The following ACTN1 variants were observed in gnomAD, a reference collection of about 807,000 sequenced individuals.
ACTN1 encodes the protein actinin alpha 1, also known as alpha-actinin-1.
ACTN1 carries 30 observed loss-of-function variants against 119.6 expected under a neutral mutation model. The ratio of observed to expected loss-of-function variants is 0.25; its 90% CI spans 0.19 to 0.34. ACTN1 has a LOEUF of 0.34. Ranked by LOEUF, ACTN1 falls within the 10% of genes least tolerant of loss-of-function variation. ACTN1 has a pLI of 1.00. For synonymous variants in ACTN1, 429 were observed against 472.6 expected (o/e 0.91, Z 1.20); for missense variants, 764 against 1,223.4 (o/e 0.62, Z 5.60).
Position 68,904,746 on chromosome 14 carries a change from GA to G in ACTN1, c.595-11del. Reference sequence around the variant, plus strand: ...TTGTGAGTGGATCATCCTAGAGGGAGAAAAGGAGGAAGGGATGATAAAGTGA... The same window carrying G: ...TTGTGAGTGGATCATCCTAGAGGGAGAAAGGAGGAAGGGATGATAAAGTGA... On this transcript the variant is annotated splice_polypyrimidine_tract_variant and intron_variant, in intron 6 of 21. Transcript: ENST00000394419. The G allele has an allele frequency of 1.2e-6, 2 of 1,609,626 alleles. No homozygotes were observed. Among genetic ancestry groups the G allele is most frequent in the South Asian group, 1.1e-5 (1 of 90,920 alleles).
Position 68,904,704 on chromosome 14 carries a change from A to C in ACTN1, c.627T>G (p.Phe209Leu). 6.2e-7 allele frequency: 1 copy of C among 1,614,026 alleles called. No individual in the cohort carries two copies. The highest frequency in any genetic ancestry group is 8.5e-7 in the Non-Finnish European group (1 of 1,179,896). ...TGTCCAGGTACTTCTCTGCCACGTC[A>C]AAAGCCGTATTCAGATTTGTGAGTG... ...DDPLTNLNTA[F>L]DVAEKYLDIP... The change falls in exon 7 of 22, where the codon TTT becomes TTG. Residue 209 changes from phenylalanine to leucine, a missense_variant. By Grantham distance (22) the Phe-to-Leu change is conservative. Transcript: ENST00000394419.
chr14:68,965,863 G>A (rs896459099), intron 1 of ACTN1, among the ~76,000 whole-genome samples: 4 of 152,208 alleles, frequency 2.6e-5, no homozygotes, highest in Non-Finnish European at 5.9e-5. Flanking sequence ...TGTGTTCGCC[G>A]AATAGTTAAC....
At chr14:68,971,244 T>C (rs905244857) in intron 1 of ACTN1, among the ~76,000 whole-genome samples, 1 of 152,248 alleles carries the variant, frequency 6.6e-6, no homozygotes, top group Non-Finnish European at 1.5e-5. Context: ...TTGTTTGACA[T>C]GTGGAGGTAC....
At chr14:68,906,600 T>G (rs1009888992) in intron 6 of ACTN1, among the ~76,000 whole-genome samples, 1 of 152,104 alleles carries the variant, frequency 6.6e-6, no homozygotes, top group African/African-American at 2.4e-5. Context: ...GGTCCAGGTA[T>G]ACACACACCC....
chr14:68,878,730 G>A lies in ACTN1; in HGVS notation c.2362-207C>T. ...CAAAGACAGGAGGAAGACAGAGCAG[G>A]GAGATGCAAAAATCCACCCATGGGA... On this transcript the variant is annotated intron_variant, in intron 19 of 21. Transcript: ENST00000394419. This position sits in a 1 kb window ranked among gnomAD's most constrained non-coding sequence, Gnocchi z 4.4. 13 of 1,537,550 alleles carry A rather than the reference G, an allele frequency of 8.5e-6. No homozygotes were observed. Among genetic ancestry groups the A allele is most frequent in the Non-Finnish European group, 1.1e-5 (13 of 1,147,682 alleles).
intron 1 of ACTN1, among the ~76,000 whole-genome samples, chr14:68,952,755 G>T (rs72733544): frequency 0.012 from 1,755 of 152,200 alleles, 16 homozygotes; most frequent in Non-Finnish European, 0.018. Context: ...TCACTTGAAG[G>T]CCGAGCCTTA....
intron 1 of ACTN1, among the ~76,000 whole-genome samples, chr14:68,956,410 A>G (rs767055602): frequency 6.6e-6 from 1 of 152,160 alleles, no homozygotes; most frequent in Non-Finnish European, 1.5e-5. Flanking sequence ...CCTCCAGATA[A>G]TCCTTCATAG....
intron 1 of ACTN1, among the ~76,000 whole-genome samples, chr14:68,952,544 A>G (rs1043791802): frequency 1.3e-5 from 2 of 152,224 alleles, no homozygotes; most frequent in Non-Finnish European, 2.9e-5. Context: ...AGGAAGGTAG[A>G]TATGTGCCCT....
chr14:68,928,399 G>C (rs1013700427), intron 1 of ACTN1, among the ~76,000 whole-genome samples: 2 of 152,160 alleles, frequency 1.3e-5, no homozygotes, highest in East Asian at 3.9e-4. Flanking sequence ...CCTTGAAGGG[G>C]GCTCTGGGCA....
intron 10 of ACTN1, among the ~76,000 whole-genome samples, chr14:68,891,457 C>T (rs181484): frequency 0.21 from 32,277 of 151,958 alleles, 3,521 homozygotes; most frequent in South Asian, 0.25. Context: ...AGTACAGAAA[C>T]CGGGAAAAAA....
intron 1 of ACTN1, chr14:68,974,173 C>T (rs1296394283): frequency 6.5e-6 from 1 of 152,706 alleles, no homozygotes; most frequent in Non-Finnish European, 1.5e-5. Context: ...ATGATCCCAA[C>T]AATATCTGTA....
rs1012452774 is a variant in ACTN1 at position 68,877,305 on chromosome 14, T to C, written c.2428-65A>G. On this transcript the variant is annotated intron_variant, in intron 20 of 21. Transcript: ENST00000394419. ...CCTGCTGGGAATATCTCATATGGAC[T>C]GAAGACCCTGGGGGCTCAGAGCAGC... is the stretch of plus-strand genomic sequence containing the variant. The C allele has an allele frequency of 3.8e-6, 6 of 1,589,052 alleles. No homozygotes were observed. The African/African-American group carries it at 6.7e-5, about 18-fold the overall frequency.
intron 1 of ACTN1, among the ~76,000 whole-genome samples, chr14:68,953,747 C>T (rs61602390): frequency 0.13 from 20,064 of 151,436 alleles, 1,561 homozygotes; most frequent in East Asian, 0.25. Context: ...ATTAGCTAGG[C>T]GTGGTGGCAT....
chr14:68,977,562 G>C (rs1377878091), intron 1 of ACTN1: 2 of 223,662 alleles, frequency 8.9e-6, no homozygotes, highest in African/African-American at 4.7e-5. Flanking sequence ...CATTGTGTGT[G>C]TTTTAGATTA....
At chr14:68,945,847 G>A (rs2035927312) in intron 1 of ACTN1, among the ~76,000 whole-genome samples, 1 of 152,202 alleles carries the variant, frequency 6.6e-6, no homozygotes, top group Non-Finnish European at 1.5e-5. Context: ...AGATCTAATT[G>A]AAAGGTCTGA....
At chr14:68,894,333 G>C (rs1001022381) in intron 8 of ACTN1, among the ~76,000 whole-genome samples, 1 of 152,188 alleles carries the variant, frequency 6.6e-6, no homozygotes, top group Non-Finnish European at 1.5e-5. Flanking sequence ...CCAGACTTCC[G>C]GATCAACCAA....
In ACTN1 at chr14:68,967,047, G is replaced by A. The variant is rs558576101; in HGVS notation, c.105+11905C>T. 2.4e-4 allele frequency among the ~76,000 whole-genome samples: 36 copies of A among 152,310 alleles called. 1 individual carries two copies. Among genetic ancestry groups the A allele is most frequent in the South Asian group, 2.1e-4 (1 of 4,834 alleles). On this transcript the variant is annotated intron_variant, in intron 1 of 21. Transcript: ENST00000394419. ...AGTTCCAACCAGCCTACCATTGGACGCACCAGCTCAGAGAGGGGCGCTGAG... is the reference window on the plus strand; with the variant it reads ...AGTTCCAACCAGCCTACCATTGGACACACCAGCTCAGAGAGGGGCGCTGAG...
At chr14:68,951,821 C>T (rs1241592843) in intron 1 of ACTN1, among the ~76,000 whole-genome samples, 5 of 152,178 alleles carry the variant, frequency 3.3e-5, no homozygotes, top group Admixed American at 2.0e-4. Context: ...CAAGTAACCC[C>T]ATCATTCATT....
chr14:68,927,732 G>A (rs766831722), intron 1 of ACTN1, among the ~76,000 whole-genome samples: 5 of 152,226 alleles, frequency 3.3e-5, no homozygotes, highest in Non-Finnish European at 7.3e-5. Context: ...TGCAGGAGAT[G>A]AGAGGGCCTT....
Sources: allele counts gnomAD v4.1 joint callset (sites outside exome capture counted in the v4.1 genomes callset), GRCh38; gene constraint gnomAD v4.1.1; non-coding constraint Gnocchi (gnomAD v3.1); transcripts MANE v1.5; gene names NCBI Gene and HGNC (gene_info 2026-07-23, HGNC 2026-07-21).